The following FADS6 variants were observed in gnomAD, a reference collection of about 807,000 sequenced individuals.
FADS6 encodes fatty acid desaturase domain family, member 6.
FADS6 carries 28 observed loss-of-function variants against 31.7 expected under a neutral mutation model. That is an observed-to-expected ratio of 0.88 (90% CI 0.66 to 1.21). The LOEUF is 1.21. FADS6 is among the 50% of genes most tolerant of loss of function. The probability of loss-of-function intolerance (pLI) is 0.00; values close to 1 mark genes in which losing one functional copy is unlikely to be tolerated. For synonymous variants in FADS6, 191 were observed against 213.1 expected (o/e 0.90, Z 0.90); for missense variants, 494 against 504.2 (o/e 0.98, Z 0.19).
intron 2 of FADS6, among the ~76,000 whole-genome samples, chr17:74,892,068 G>A (rs1403540054): frequency 6.6e-6 from 1 of 152,234 alleles, no homozygotes; most frequent in East Asian, 1.9e-4. Flanking sequence ...AGGGTCAGGT[G>A]AGGTGGGTAC....
intron 2 of FADS6, among the ~76,000 whole-genome samples, chr17:74,886,204 A>C (rs1201986741): frequency 6.8e-6 from 1 of 146,026 alleles, no homozygotes; most frequent in Non-Finnish European, 1.5e-5. Context: ...CCGCCACTGC[A>C]CTCCAGCCTG....
rs1410949162 is a variant in FADS6, at chr17:74,892,805, G to A, written c.245-116C>T. On this transcript the variant is annotated intron_variant, in intron 1 of 5. Coordinates refer to ENST00000612771, the MANE Select transcript of FADS6 (RefSeq NM_178128.6). Reference sequence around the variant, plus strand: ...TAAAGTGGGCTAGGCTCTGGGGGCTGCCACTGGCCGGAGTGAGGCAGGTCC... The same window carrying A: ...TAAAGTGGGCTAGGCTCTGGGGGCTACCACTGGCCGGAGTGAGGCAGGTCC... 2.8e-6 allele frequency: 3 copies of A among 1,052,804 alleles called. No homozygotes were observed. In the Admixed American group the frequency reaches 8.5e-5, roughly 30 times the overall value. 65.2% of individuals were successfully genotyped at this position (1,052,804 alleles called of 1,614,324 possible). A position where few individuals can be genotyped will look rare whatever the true frequency, so the allele number is the denominator to read the frequency against.
chr17:74,892,397 C>T (rs1448412956), intron 2 of FADS6, 126 bp downstream of exon 2: 4 of 1,170,656 alleles, frequency 3.4e-6, no homozygotes, highest in African/African-American at 3.2e-5. Flanking sequence ...ACCGGCATAC[C>T]ATCAGCTGCA....
At chr17:74,886,458 T>TAAAAAA (rs60503024) in intron 2 of FADS6, among the ~76,000 whole-genome samples, 1 of 82,924 alleles carries the variant, frequency 1.2e-5, no homozygotes, top group African/African-American at 5.1e-5. Flanking sequence ...AAATCCTGTC[T>TAAAAAA]AAAAAAAAAA....
In FADS6 at chr17:74,892,644, C is replaced by T. The variant is rs754021749; in HGVS notation, c.290G>A (p.Gly97Asp). 1.2e-6 allele frequency: 2 copies of T among 1,613,046 alleles called. No homozygotes were observed. The highest frequency in any genetic ancestry group is 1.7e-6 in the Non-Finnish European group (2 of 1,179,486). Reference sequence around the variant, plus strand: ...GTGGCACACACCCAAGATGGTGATGCCGGATGCAAAGACCAGGGCATTCTC... The same window carrying T: ...GTGGCACACACCCAAGATGGTGATGTCGGATGCAAAGACCAGGGCATTCTC... ...RWENALVFAS[G>D]ITILGVCHYT... is the part of the protein sequence containing the mutation. Residue 97 changes from glycine to aspartate, a missense_variant, in exon 2 of 6, where the codon GGC becomes GAC. Physicochemically the swap from Gly to Asp is moderately conservative, Grantham distance 94 (BLOSUM62 -1). Transcript: ENST00000612771.
At chr17:74,878,516 G>A (rs565553529) in intron 5 of FADS6, 39 bp from the exon 6 acceptor site, 4 of 1,606,226 alleles carry the variant, frequency 2.5e-6, no homozygotes, top group Non-Finnish European at 3.4e-6. Context: ...ATGAGCAGGG[G>A]CTGTGGGCAG....
In FADS6 at chr17:74,882,654, A is replaced by G. The variant is rs374540498; in HGVS notation, c.468T>C (p.His156=). ...HATHGHVKMH[H]AYTNVVGLGD... is the part of the protein sequence containing the mutation. The stretch of plus-strand genomic sequence containing the variant: ...CCAGGCCCACCACGTTGGTGTAGGC[A>G]TGGTGCATCTTGACGTGCCCATGCG... The change falls in exon 3 of 6, where the codon CAT becomes CAC. Residue 156 remains histidine, a synonymous_variant. Coordinates refer to ENST00000612771, the MANE Select transcript of FADS6 (RefSeq NM_178128.6). The G allele has an allele frequency of 6.2e-6, 10 of 1,611,576 alleles. No homozygotes were observed. In the Admixed American group the frequency reaches 6.7e-5, roughly 11 times the overall value.
Position 74,892,512 on chromosome 17 carries a change from CCCAGGCT to C in FADS6, c.411+4_411+10del, listed in dbSNP as rs779179518. ...CAGCAGCTGCCTGCATCCTCCTTCT[CCCAGGCT>C]CACCTCCACAAAGAAAAGCAGCCAG... On this transcript the variant is annotated splice_donor_5th_base_variant and intron_variant, in intron 2 of 5. Transcript: ENST00000612771. 1.9e-6 allele frequency: 3 copies of C among 1,609,444 alleles called. No homozygotes were observed. Among genetic ancestry groups the C allele is most frequent in the Non-Finnish European group, 2.5e-6 (3 of 1,177,806 alleles).
At chr17:74,881,330 G>T in intron 3 of FADS6, 75 bp from the exon 4 acceptor site, 4 of 1,416,992 alleles carry the variant, frequency 2.8e-6, no homozygotes, top group Non-Finnish European at 3.8e-6. Flanking sequence ...GCGTGCTAAA[G>T]CAGTGGCGGA....
intron 1 of FADS6, among the ~76,000 whole-genome samples, chr17:74,893,105 C>T (rs997928808): frequency 6.7e-6 from 1 of 149,498 alleles, no homozygotes; most frequent in Non-Finnish European, 1.5e-5. Context: ...CTTTCCCTTC[C>T]ACCACCCTCC....
intron 2 of FADS6, among the ~76,000 whole-genome samples, chr17:74,891,783 G>A (rs765748024): frequency 8.5e-5 from 13 of 152,278 alleles, no homozygotes; most frequent in Non-Finnish European, 1.8e-4. Flanking sequence ...TGGTCACAAC[G>A]ACCAGTCCTT....
At chr17:74,887,835 G>A (rs1214323180) in intron 2 of FADS6, among the ~76,000 whole-genome samples, 1 of 152,180 alleles carries the variant, frequency 6.6e-6, no homozygotes, top group Non-Finnish European at 1.5e-5. Context: ...ACAGGCGTGT[G>A]CCACCACGCC....
chr17:74,887,995 T>A (rs1357990219), intron 2 of FADS6, among the ~76,000 whole-genome samples: 4 of 152,122 alleles, frequency 2.6e-5, no homozygotes. Context: ...CAGGGTTTTT[T>A]ATTATTTTGA....
intron 1 of FADS6, 59 bp from the exon 2 acceptor site, chr17:74,892,748 A>T: frequency 6.6e-7 from 1 of 1,505,292 alleles, no homozygotes; most frequent in Non-Finnish European, 8.9e-7. Flanking sequence ...TCTGGGCCCA[A>T]ATACCTCAAC....
At chr17:74,891,240 G>A (rs980330226) in intron 2 of FADS6, among the ~76,000 whole-genome samples, 10 of 150,672 alleles carry the variant, frequency 6.6e-5, no homozygotes, top group African/African-American at 1.7e-4. Context: ...GTTTCACCAC[G>A]TTGGTCATGC....
chr17:74,879,623 T>A (rs1316123678), intron 4 of FADS6, 40 bp from the exon 5 acceptor site: 1 of 1,579,764 alleles, frequency 6.3e-7, no homozygotes, highest in African/African-American at 1.3e-5. Context: ...AGCCTGGACC[T>A]CCCCACCCCA....
intron 2 of FADS6, among the ~76,000 whole-genome samples, chr17:74,885,482 G>A (rs1216655733): frequency 6.6e-6 from 1 of 152,032 alleles, no homozygotes; most frequent in Non-Finnish European, 1.5e-5. Flanking sequence ...CTCATGCTGT[G>A]GGAGCCAGCA....
chr17:74,874,839 A>G (rs995070640), downstream of FADS6, among the ~76,000 whole-genome samples: 8 of 152,166 alleles, frequency 5.3e-5, no homozygotes, highest in Non-Finnish European at 1.2e-4. Flanking sequence ...TTCTTTACAT[A>G]TTGTCTATGG....
chr17:74,888,150 ACACACGCGCG>A (rs1464017989), intron 2 of FADS6, among the ~76,000 whole-genome samples: 6 of 123,646 alleles, frequency 4.9e-5, no homozygotes, highest in Non-Finnish European at 9.5e-5. Flanking sequence ...ACACACACAC[ACACACGCGCG>A]CGCGCGCGCG....
Sources: gnomAD v4.1 joint callset for allele counts (sites outside exome capture counted in the v4.1 genomes callset) on GRCh38, gnomAD v4.1.1 for gene constraint, MANE v1.5 for transcripts, NCBI Gene and HGNC (gene_info 2026-07-23, HGNC 2026-07-21) for gene names.